Variants in PLA2G6 observed in about 807,000 individuals in gnomAD.
PLA2G6 encodes phospholipase A2 group VI, also known as 85/88 kDa calcium-independent phospholipase A2.
In PLA2G6, 62 loss-of-function variants were observed where a neutral mutation model predicts 83.8. The observed-to-expected ratio is 0.74, with a 90% CI of 0.60 to 0.91. PLA2G6 has a LOEUF of 0.91. Ranked by LOEUF, PLA2G6 falls within the 40% of genes least tolerant of loss-of-function variation. PLA2G6 has a pLI of 0.00. For synonymous variants in PLA2G6, 417 were observed against 449.8 expected, an observed-to-expected ratio of 0.93 and a Z score of 0.92; for missense variants, 944 against 1,102.0, an observed-to-expected ratio of 0.86 and a Z score of 2.03.
chr22:38,148,307 G>A (rs1199836881), intron 2 of PLA2G6: 1 of 561,478 alleles, frequency 1.8e-6, no homozygotes, highest in Non-Finnish European at 3.2e-6. Context: ...AATGGGGAAA[G>A]TGTAATCAGG....
intron 2 of PLA2G6, among the ~76,000 whole-genome samples, chr22:38,158,009 C>T (rs993943711): frequency 6.6e-6 from 1 of 151,754 alleles, no homozygotes; most frequent in Non-Finnish European, 1.5e-5. Flanking sequence ...GCACTCCAGC[C>T]TGGGCAACAG....
In PLA2G6 at chr22:38,128,976, T is replaced by C. The variant is rs774291383; in HGVS notation, c.1186+478A>G. 3.9e-5 allele frequency among the ~76,000 whole-genome samples: 6 copies of C among 152,172 alleles called. No homozygotes were observed. Among genetic ancestry groups the C allele is most frequent in the Middle Eastern group, 6.3e-3 (2 of 316 alleles). On this transcript the variant is annotated intron_variant, in intron 8 of 16. Coordinates refer to ENST00000332509, the MANE Select transcript of PLA2G6 (RefSeq NM_003560.4). This position sits in a 1 kb window ranked among gnomAD's most constrained non-coding sequence, Gnocchi z 4.4. ...TCCAGAGCGGGCTCCAGGCCTCTGG[T>C]GAGGAGGATCTGCTCTGTCCAGCTC...
rs567944607 is a variant in PLA2G6, at chr22:38,115,711, G to A, written c.1880-30C>T. ...GGGCGGGGAAGGAGGGCGGCCCAGT[G>A]GCACAAGGGACTGGCATAAAACCCA... is the stretch of plus-strand genomic sequence containing the variant. On this transcript the variant is annotated intron_variant, in intron 13 of 16. Transcript: ENST00000332509. 3.8e-6 allele frequency: 6 copies of A among 1,578,224 alleles called. No individual in the cohort carries two copies. The African/African-American group carries it at 4.0e-5, about 11-fold the overall frequency.
chr22:38,140,277 G>A (rs889678992), intron 4 of PLA2G6, 108 bp from the exon 5 acceptor site: 2 of 982,208 alleles, frequency 2.0e-6, no homozygotes, highest in African/African-American at 3.2e-5. Context: ...GGAGGCCAAG[G>A]TGGGTGGATC....
At chr22:38,117,370 G>C in intron 12 of PLA2G6, among the ~76,000 whole-genome samples, 1 of 151,964 alleles carries the variant, frequency 6.6e-6, no homozygotes, top group African/African-American at 2.4e-5. Flanking sequence ...ACCACGCCCG[G>C]CTAATTTTTT....
rs771288458 is a variant in PLA2G6 at position 38,116,327 on chromosome 22, C to T, written c.1743-116G>A. On this transcript the variant is annotated intron_variant, in intron 12 of 16. Coordinates refer to ENST00000332509, the MANE Select transcript of PLA2G6 (RefSeq NM_003560.4). Reference sequence around the variant, plus strand: ...CAGAGTGCCCACTCCAACCTCTGTTCGGGATAGGTGGGCTTCTCCCCGCAC... The same window carrying T: ...CAGAGTGCCCACTCCAACCTCTGTTTGGGATAGGTGGGCTTCTCCCCGCAC... 2.9e-5 allele frequency: 33 copies of T among 1,152,746 alleles called. No homozygotes were observed. The South Asian group carries it at 3.1e-4, about 11-fold the overall frequency. 71.4% of individuals were successfully genotyped at this position (1,152,746 alleles called of 1,614,324 possible).
chr22:38,114,930 C>T (rs952002971), intron 14 of PLA2G6, among the ~76,000 whole-genome samples: 5 of 152,176 alleles, frequency 3.3e-5, no homozygotes, highest in Non-Finnish European at 5.9e-5. Context: ...AGCCACCGCG[C>T]TCGCCCACCC....
At chr22:38,116,369 G>C (rs2087197710) in intron 12 of PLA2G6, 158 bp from the exon 13 acceptor site, 2 of 806,336 alleles carry the variant, frequency 2.5e-6, no homozygotes, top group Non-Finnish European at 4.3e-6. Context: ...CGCAAAACAG[G>C]CTCTCTCCGG....
In PLA2G6 at chr22:38,156,714, A is replaced by C. The variant is rs563600554; in HGVS notation, c.210-11061T>G. On this transcript the variant is annotated intron_variant, in intron 2 of 16. Transcript: ENST00000332509. ...GTGATCTGCCTGCCTCGGCCTCCCAAAGCGCTGGGATTACAAGCATGAGCC... is the reference window on the plus strand; with the variant it reads ...GTGATCTGCCTGCCTCGGCCTCCCACAGCGCTGGGATTACAAGCATGAGCC... Among the ~76,000 whole-genome samples the C allele has an allele frequency of 5.7e-4, 87 of 152,258 alleles. 1 individual carries two copies. The highest frequency in any genetic ancestry group is 2.1e-4 in the Non-Finnish European group (14 of 68,020).
At chr22:38,158,873 G>A (rs1602232919) in intron 2 of PLA2G6, among the ~76,000 whole-genome samples, 1 of 152,146 alleles carries the variant, frequency 6.6e-6, no homozygotes, top group African/African-American at 2.4e-5. Context: ...GATCATCAGG[G>A]CTCTGCCCTC....
chr22:38,143,867 C>T (rs1292466342), intron 3 of PLA2G6: 3 of 203,234 alleles, frequency 1.5e-5, no homozygotes, highest in Non-Finnish European at 3.1e-5. Flanking sequence ...CTCAGCCTCC[C>T]GAGTAGCTGG....
In PLA2G6 at chr22:38,116,227, G is replaced by C; in HGVS notation, c.1743-16C>G. 1 of 1,613,796 alleles carries C rather than the reference G, an allele frequency of 6.2e-7. No homozygotes were observed. The stretch of plus-strand genomic sequence containing the variant: ...CAGCATCACCCTGGAGAGAAATGAG[G>C]CAGGAGGACGGCTGAGCCACCCGCC... On this transcript the variant is annotated splice_polypyrimidine_tract_variant and intron_variant, in intron 12 of 16. Coordinates refer to ENST00000332509, the MANE Select transcript of PLA2G6 (RefSeq NM_003560.4).
intron 14 of PLA2G6, among the ~76,000 whole-genome samples, chr22:38,114,929 G>A (rs11570756): frequency 6.6e-5 from 10 of 152,214 alleles, no homozygotes; most frequent in African/African-American, 2.2e-4. Context: ...CAGCCACCGC[G>A]CTCGCCCACC....
intron 10 of PLA2G6, among the ~76,000 whole-genome samples, chr22:38,125,123 C>T (rs899352633): frequency 1.3e-5 from 2 of 151,954 alleles, no homozygotes; most frequent in Non-Finnish European, 2.9e-5. Flanking sequence ...TATGTACATG[C>T]ATGTGTGTAC....
chr22:38,171,004 C>CAAAAAATACTAAAAATACAAAAAA (rs2090415284), intron 1 of PLA2G6, among the ~76,000 whole-genome samples: 1 of 152,020 alleles, frequency 6.6e-6, no homozygotes, highest in Non-Finnish European at 1.5e-5. Flanking sequence ...AACCCCGTCT[C>CAAAAAATACTAAAAATACAAAAAA]TACTAAAAAT....
At chr22:38,175,938 C>A (rs1484486829) in intron 1 of PLA2G6, among the ~76,000 whole-genome samples, 10 of 152,172 alleles carry the variant, frequency 6.6e-5, no homozygotes, top group Non-Finnish European at 1.5e-4. Flanking sequence ...GGGGCCAGCA[C>A]CTCTGAAGCC....
Position 38,128,557 on chromosome 22 carries a change from C to T in PLA2G6, c.1187-127G>A. 3.1e-6 allele frequency: 3 copies of T among 969,470 alleles called. No individual in the cohort carries two copies. The highest frequency in any genetic ancestry group is 1.5e-5 in the South Asian group (1 of 66,936). 60.1% of individuals were successfully genotyped at this position (969,470 alleles called of 1,614,324 possible). A position where few individuals can be genotyped will look rare whatever the true frequency, so the allele number is the denominator to read the frequency against. ...TCCCAGGCCCTGGGCACGTGGGCTGCTCCAGAGGCCTCAGCCCACCCTGAC... is the reference window on the plus strand; with the variant it reads ...TCCCAGGCCCTGGGCACGTGGGCTGTTCCAGAGGCCTCAGCCCACCCTGAC... On this transcript the variant is annotated intron_variant, in intron 8 of 16. Coordinates refer to ENST00000332509, the MANE Select transcript of PLA2G6 (RefSeq NM_003560.4). The surrounding 1 kb of genome is among the most constrained non-coding windows in gnomAD (Gnocchi z 4.4).
chr22:38,124,094 C>T (rs1221161025), intron 10 of PLA2G6, among the ~76,000 whole-genome samples: 2 of 152,136 alleles, frequency 1.3e-5, no homozygotes, highest in African/African-American at 4.8e-5. Context: ...CTCGGCCTCC[C>T]AAAGTGCTGG....
chr22:38,169,061 C>G (rs1169988380), intron 2 of PLA2G6, among the ~76,000 whole-genome samples, 157 bp downstream of exon 2: 1 of 151,998 alleles, frequency 6.6e-6, no homozygotes, highest in African/African-American at 2.4e-5. Flanking sequence ...GGAAGCCCTT[C>G]CCTCTGGTCC....
Sources: allele counts gnomAD v4.1 joint callset (sites outside exome capture counted in the v4.1 genomes callset), GRCh38; gene constraint gnomAD v4.1.1; non-coding constraint Gnocchi (gnomAD v3.1); transcripts MANE v1.5; gene names NCBI Gene and HGNC (gene_info 2026-07-23, HGNC 2026-07-21).